Variants in THSD4 observed in about 807,000 individuals in gnomAD.
THSD4 encodes thrombospondin type 1 domain containing 4, also known as thrombospondin type-1 domain-containing protein 4.
Under a neutral mutation model 119.0 loss-of-function variants are expected in THSD4, and 69 were observed. The observed-to-expected ratio is 0.58, with a 90% CI of 0.48 to 0.71. THSD4 has a LOEUF of 0.71. Among genes scored for constraint, THSD4 ranks in the 30% least tolerant of loss-of-function variants. THSD4 has a pLI of 0.00. For synonymous variants in THSD4, 524 were observed against 540.4 expected (o/e 0.97, Z 0.42); for missense variants, 1,393 against 1,391.1 (o/e 1.00, Z -0.02).
intron 6 of THSD4, among the ~76,000 whole-genome samples, chr15:71,344,915 T>G (rs939387857): frequency 1.3e-5 from 2 of 152,002 alleles, no homozygotes; most frequent in African/African-American, 4.8e-5. Context: ...AGGTGGGAGA[T>G]GCCCTTTAGA....
intron 7 of THSD4, among the ~76,000 whole-genome samples, chr15:71,479,397 G>A (rs962076956): frequency 6.6e-6 from 1 of 152,046 alleles, no homozygotes; most frequent in Non-Finnish European, 1.5e-5. Context: ...TGACACTAGT[G>A]AAATTACTTT....
At chr15:71,362,226 C>A (rs1000163668) in intron 6 of THSD4, among the ~76,000 whole-genome samples, 3 of 152,146 alleles carry the variant, frequency 2.0e-5, no homozygotes, top group Non-Finnish European at 4.4e-5. Context: ...TTGCAGTGAG[C>A]CAAGATGGTG....
chr15:71,246,097 C>T (rs895792578), intron 5 of THSD4, among the ~76,000 whole-genome samples: 17 of 152,080 alleles, frequency 1.1e-4, no homozygotes, highest in African/African-American at 2.9e-4. Flanking sequence ...AGCTTTGACA[C>T]GGAGGAACTG....
intron 3 of THSD4, among the ~76,000 whole-genome samples, chr15:71,156,276 A>G (rs1174871410): frequency 7.2e-6 from 1 of 139,266 alleles, no homozygotes; most frequent in African/African-American, 2.7e-5. Flanking sequence ...TTTTTTTTTG[A>G]GATGGAGTTT....
At chr15:71,630,973 A>C (rs926065747) in intron 7 of THSD4, among the ~76,000 whole-genome samples, 1 of 152,188 alleles carries the variant, frequency 6.6e-6, no homozygotes, top group African/African-American at 2.4e-5. Context: ...TCTCCCCACC[A>C]GATGCCATCA....
chr15:71,745,225 T>C lies in THSD4; in HGVS notation c.2026T>C (p.Cys676Arg). The change falls in exon 12 of 18, where the codon TGC becomes CGC. Residue 676 changes from cysteine to arginine, a missense_variant. Transcript: ENST00000261862. ...PEEEPCNIFPCPAFWDIGEWS... is the reference protein window; with the variant it reads ...PEEEPCNIFPRPAFWDIGEWS... ...GGAGGAGCCCTGCAACATCTTCCCT[T>C]GCCCAGCCTTGTAAGAAGGCCCCTC... The C allele has an allele frequency of 6.2e-7, 1 of 1,613,914 alleles. No individual in the cohort carries two copies. Among genetic ancestry groups the C allele is most frequent in the Non-Finnish European group, 8.5e-7 (1 of 1,179,956 alleles).
intron 7 of THSD4, among the ~76,000 whole-genome samples, chr15:71,500,272 A>T (rs1417308797): frequency 6.6e-6 from 1 of 152,026 alleles, no homozygotes; most frequent in African/African-American, 2.4e-5. Context: ...GGCCATTTGT[A>T]TATGGTCTTT....
chr15:71,655,120 A>G (rs2140986952), intron 7 of THSD4, among the ~76,000 whole-genome samples: 1 of 152,356 alleles, frequency 6.6e-6, no homozygotes, highest in East Asian at 1.9e-4. Context: ...AATCACTGGA[A>G]AAAATACAAA....
At chr15:71,292,786 C>T (rs867659599) in intron 6 of THSD4, among the ~76,000 whole-genome samples, 4 of 151,658 alleles carry the variant, frequency 2.6e-5, no homozygotes, top group South Asian at 2.1e-4. Context: ...ACACCATTCT[C>T]CTGCCTCAGC....
chr15:71,647,130 A>G (rs1595824422), intron 7 of THSD4, among the ~76,000 whole-genome samples: 1 of 152,238 alleles, frequency 6.6e-6, no homozygotes, highest in African/African-American at 2.4e-5. Flanking sequence ...TAAGAATTTC[A>G]AGGTTCTACC....
chr15:71,231,716 G>A (rs2044063238), intron 4 of THSD4, among the ~76,000 whole-genome samples: 1 of 152,170 alleles, frequency 6.6e-6, no homozygotes. Context: ...CAAACCTGCA[G>A]CTAACGTATG....
chr15:71,603,641 G>A (rs28464933), intron 7 of THSD4, among the ~76,000 whole-genome samples: 63,834 of 152,024 alleles, frequency 0.42, 13,810 homozygotes, highest in East Asian at 0.75. Context: ...GGCTGAGCAA[G>A]CCGATGGGAT....
chr15:71,542,586 A>G (rs2048774058), intron 7 of THSD4, among the ~76,000 whole-genome samples: 1 of 152,130 alleles, frequency 6.6e-6, no homozygotes, highest in Admixed American at 6.5e-5. Context: ...CGTTAGAAAA[A>G]AACAAATTGG....
intron 1 of THSD4, among the ~76,000 whole-genome samples, chr15:71,108,760 G>A (rs2040284649): frequency 6.6e-6 from 1 of 152,182 alleles, no homozygotes; most frequent in Admixed American, 6.5e-5. Flanking sequence ...GGGAGGCTGA[G>A]GCAGGCAGAT....
chr15:71,221,226 T>C (rs2043973350), intron 4 of THSD4, among the ~76,000 whole-genome samples: 2 of 152,190 alleles, frequency 1.3e-5, no homozygotes, highest in African/African-American at 4.8e-5. Flanking sequence ...CCTGTTACTA[T>C]AGGACTCCCC....
chr15:71,233,343 G>A (rs1488827372), intron 4 of THSD4, among the ~76,000 whole-genome samples: 1 of 152,204 alleles, frequency 6.6e-6, no homozygotes, highest in African/African-American at 2.4e-5. Context: ...TGACAAATGA[G>A]TCTGCTTCAA....
intron 4 of THSD4, among the ~76,000 whole-genome samples, chr15:71,239,879 C>T (rs1011854190): frequency 6.6e-6 from 1 of 152,246 alleles, no homozygotes. Flanking sequence ...GGAAAACAAA[C>T]GTTCTCCTGG....
intron 8 of THSD4, among the ~76,000 whole-genome samples, chr15:71,727,250 C>T (rs1032054524): frequency 3.9e-5 from 6 of 151,962 alleles, no homozygotes; most frequent in African/African-American, 7.3e-5. Context: ...AGTGCACGTG[C>T]GGTATCTAAC....
intron 7 of THSD4, among the ~76,000 whole-genome samples, chr15:71,426,384 T>TG (rs895274036): frequency 2.3e-5 from 3 of 130,828 alleles, no homozygotes; most frequent in African/African-American, 8.9e-5. Context: ...TGTGTGTGTG[T>TG]GTGTGTGTGT....
Sources: gnomAD v4.1 joint callset for allele counts (sites outside exome capture counted in the v4.1 genomes callset) on GRCh38, gnomAD v4.1.1 for gene constraint, MANE v1.5 for transcripts, NCBI Gene and HGNC (gene_info 2026-07-23, HGNC 2026-07-21) for gene names.